SLC24A3: variants seen among roughly 807,000 people sequenced by gnomAD.
The protein encoded by SLC24A3 is solute carrier family 24 member 3, also known as sodium/potassium/calcium exchanger 3.
In SLC24A3, 28 loss-of-function variants were observed where a neutral mutation model predicts 75.8. That is an observed-to-expected ratio of 0.37 (90% confidence interval 0.27 to 0.51). The LOEUF is 0.51. Ranked by LOEUF, SLC24A3 falls within the 20% of genes least tolerant of loss-of-function variation. The pLI is 0.94. For missense variants in SLC24A3, 663 were observed against 847.8 expected (o/e 0.78, Z 2.71); for synonymous variants, 372 against 334.1 (o/e 1.11, Z -1.24).
chr20:19,330,880 C>T (rs1461808548), intron 2 of SLC24A3, among the ~76,000 whole-genome samples: 1 of 152,230 alleles, frequency 6.6e-6, no homozygotes, highest in African/African-American at 2.4e-5. Flanking sequence ...GTGCCCTCCA[C>T]ATGTGATACA....
At chr20:19,259,904 T>A (rs780464316) in intron 1 of SLC24A3, among the ~76,000 whole-genome samples, 18 of 152,198 alleles carry the variant, frequency 1.2e-4, no homozygotes, top group Non-Finnish European at 1.9e-4. Context: ...AAAGTAGGTC[T>A]CTCCCTCCCA....
chr20:19,592,405 A>G (rs2031391185), intron 6 of SLC24A3, among the ~76,000 whole-genome samples: 1 of 152,220 alleles, frequency 6.6e-6, no homozygotes, highest in African/African-American at 2.4e-5. Context: ...AGCCAAATCA[A>G]TAGTGGGTAG....
At chr20:19,214,150 G>A (rs907976510) in intron 1 of SLC24A3, among the ~76,000 whole-genome samples, 2 of 152,098 alleles carry the variant, frequency 1.3e-5, no homozygotes, top group East Asian at 3.9e-4. Flanking sequence ...TGAAACAGGC[G>A]TCAGTCTTCA....
At chr20:19,213,137 C>A in intron 1 of SLC24A3, 153 bp downstream of exon 1, 1 of 838,050 alleles carries the variant, frequency 1.2e-6, no homozygotes, top group Non-Finnish European at 1.5e-6. Flanking sequence ...GGCACGAGGA[C>A]TCCCCCTGCC....
intron 1 of SLC24A3, among the ~76,000 whole-genome samples, chr20:19,238,966 G>GCACACACACA (rs60649887): frequency 1.6e-3 from 244 of 148,958 alleles, no homozygotes; most frequent in African/African-American, 5.2e-3. Flanking sequence ...ATGGGCGCAT[G>GCACACACACA]CACACACACA....
At chr20:19,504,033 T>C (rs6106090) in intron 2 of SLC24A3, among the ~76,000 whole-genome samples, 26,566 of 152,138 alleles carry the variant, frequency 0.17, 2,828 homozygotes, top group African/African-American at 0.3. Context: ...TCCCTGTTCC[T>C]ATTCCCCTAA....
At chr20:19,260,976 G>A (rs1982968793) in intron 1 of SLC24A3, among the ~76,000 whole-genome samples, 1 of 152,176 alleles carries the variant, frequency 6.6e-6, no homozygotes, top group South Asian at 2.1e-4. Flanking sequence ...CCGAATCAGG[G>A]TTGCCTTGGA....
At chr20:19,449,919 C>T (rs570097759) in intron 2 of SLC24A3, among the ~76,000 whole-genome samples, 16 of 152,140 alleles carry the variant, frequency 1.1e-4, no homozygotes, top group Non-Finnish European at 1.5e-4. Flanking sequence ...AAATACCTTT[C>T]TTTTTTAATG....
At chr20:19,411,791 C>T (rs1453917823) in intron 2 of SLC24A3, among the ~76,000 whole-genome samples, 1 of 152,186 alleles carries the variant, frequency 6.6e-6, no homozygotes, top group Non-Finnish European at 1.5e-5. Context: ...CGTTGATCTC[C>T]AGTAGTACAT....
chr20:19,601,971 G>A (rs965768519), intron 6 of SLC24A3, among the ~76,000 whole-genome samples: 2 of 152,118 alleles, frequency 1.3e-5, no homozygotes, highest in African/African-American at 2.4e-5. Context: ...TCAGGAGTTC[G>A]AGACCAGCCT....
chr20:19,432,097 C>T (rs1007905878), intron 2 of SLC24A3, among the ~76,000 whole-genome samples: 4 of 152,072 alleles, frequency 2.6e-5, no homozygotes, highest in South Asian at 2.1e-4. Flanking sequence ...TCATCAAAGG[C>T]ACCACTGAGG....
At chr20:19,488,510 G>A (rs1988160709) in intron 2 of SLC24A3, among the ~76,000 whole-genome samples, 1 of 152,156 alleles carries the variant, frequency 6.6e-6, no homozygotes, top group African/African-American at 2.4e-5. Flanking sequence ...GCTCCATCCA[G>A]CCTAACAACC....
intron 1 of SLC24A3, among the ~76,000 whole-genome samples, chr20:19,273,745 G>T (rs1238571522): frequency 6.6e-6 from 1 of 151,940 alleles, no homozygotes; most frequent in Non-Finnish European, 1.5e-5. Flanking sequence ...AGCCACAGGA[G>T]GCCATAGGTT....
intron 2 of SLC24A3, among the ~76,000 whole-genome samples, chr20:19,434,377 C>T (rs73900115): frequency 0.027 from 4,158 of 152,274 alleles, 163 homozygotes; most frequent in East Asian, 0.1. Flanking sequence ...GGAGCATCAC[C>T]TTGAGTCTGA....
chr20:19,510,754 A>G (rs1356099155), intron 2 of SLC24A3, among the ~76,000 whole-genome samples: 1 of 152,316 alleles, frequency 6.6e-6, no homozygotes, highest in Non-Finnish European at 1.5e-5. Flanking sequence ...GAACCCAACC[A>G]TGCTGGCACC....
chr20:19,576,099 TGC>T (rs2031130540), intron 3 of SLC24A3, among the ~76,000 whole-genome samples: 1 of 152,144 alleles, frequency 6.6e-6, no homozygotes, highest in Admixed American at 6.5e-5. Flanking sequence ...AGTAACTCCC[TGC>T]CTCATATAAT....
chr20:19,551,747 A>T (rs1014129807), intron 3 of SLC24A3, among the ~76,000 whole-genome samples: 14 of 152,044 alleles, frequency 9.2e-5, no homozygotes, highest in African/African-American at 3.4e-4. Flanking sequence ...TTCTTCCCAT[A>T]GGACATGCTC....
intron 10 of SLC24A3, among the ~76,000 whole-genome samples, chr20:19,682,867 A>G (rs2078893571): frequency 6.6e-6 from 1 of 152,198 alleles, no homozygotes; most frequent in African/African-American, 2.4e-5. Flanking sequence ...CTGAGACACT[A>G]AGGGAAATTA....
In SLC24A3 at chr20:19,316,001, C is replaced by T. The variant is rs80015945; in HGVS notation, c.271+34914C>T. ...AAGCTTTTTATTACAAAGTGTTGAACGTCTCATAGATCTGTTGAGTACAAT... is the reference window on the plus strand; with the variant it reads ...AAGCTTTTTATTACAAAGTGTTGAATGTCTCATAGATCTGTTGAGTACAAT... On this transcript the variant is annotated intron_variant, in intron 2 of 16. Coordinates refer to ENST00000328041, the MANE Select transcript of SLC24A3 (RefSeq NM_020689.4). 5.1e-3 allele frequency among the ~76,000 whole-genome samples: 782 copies of T among 152,238 alleles called. 6 individuals carry two copies. The highest frequency in any genetic ancestry group is 0.018 in the African/African-American group (740 of 41,544).
Sources: allele counts gnomAD v4.1 joint callset (sites outside exome capture counted in the v4.1 genomes callset), GRCh38; gene constraint gnomAD v4.1.1; transcripts MANE v1.5; gene names NCBI Gene and HGNC (gene_info 2026-07-23, HGNC 2026-07-21).